ANKRD18A: variants seen among roughly 807,000 people sequenced by gnomAD.
ANKRD18A encodes ankyrin repeat domain-containing protein 18A.
A neutral mutation model predicts 110.6 loss-of-function variants in ANKRD18A; 72 were observed. The observed-to-expected ratio is 0.65, with a 90% confidence interval of 0.54 to 0.79. ANKRD18A has a LOEUF of 0.79. ANKRD18A is among the 30% of genes least tolerant of loss of function. The pLI, the probability that ANKRD18A is intolerant of heterozygous loss-of-function variation, is 0.00. For missense variants in ANKRD18A, 934 were observed against 1,163.3 expected, an observed-to-expected ratio of 0.80 and a Z score of 2.87; for synonymous variants, 305 against 410.3, an observed-to-expected ratio of 0.74 and a Z score of 3.10.
intron 1 of ANKRD18A, among the ~76,000 whole-genome samples, chr9:38,616,627 A>AT (rs998358592): frequency 5.3e-5 from 8 of 151,674 alleles, no homozygotes; most frequent in South Asian, 4.2e-4. Context: ...TAATTTTTAA[A>AT]TTTTTTTTTG....
Position 38,595,951 on chromosome 9 carries a change from A to G in ANKRD18A, c.1389T>C (p.Ser463=). The G allele has an allele frequency of 1.3e-6, 2 of 1,550,518 alleles. No homozygotes were observed. The highest frequency in any genetic ancestry group is 2.4e-5 in the South Asian group (2 of 83,782). Residue 463 remains serine, a synonymous_variant, in exon 9 of 16, where the codon TCT becomes TCC. Coordinates refer to ENST00000399703, the MANE Select transcript of ANKRD18A (RefSeq NM_147195.4). ...SRHEKMGSNI[S]QLTDKNELLT... is the part of the protein sequence containing the mutation. ...GCAACTCATTCTTATCTGTTAGTTG[A>G]GAAATATTAGAACCCATTTTTTCAT...
Position 38,601,110 on chromosome 9 carries a change from G to A in ANKRD18A, c.936+21C>T, listed in dbSNP as rs546452333. On this transcript the variant is annotated intron_variant, in intron 8 of 15. Coordinates refer to ENST00000399703, the MANE Select transcript of ANKRD18A (RefSeq NM_147195.4). ...AAACAAACAAACCAGTATTAAACCA[G>A]AAATTTAAATTGTTACATACCTGTG... 7.9e-4 allele frequency: 1,220 copies of A among 1,545,908 alleles called. 2 individuals are homozygous for A. In the Middle Eastern group the frequency reaches 0.017, roughly 22 times the overall value.
In ANKRD18A at chr9:38,610,357, A is replaced by C. The variant is rs1300635058; in HGVS notation, c.656T>G (p.Leu219Arg). ...AGAGATACGTATATTTTGTTGAAGCAGGAGGGTGACGATACTTGACAAGTT... is the reference window on the plus strand; with the variant it reads ...AGAGATACGTATATTTTGTTGAAGCCGGAGGGTGACGATACTTGACAAGTT... ...QHNLSSIVTL[L>R]LQQNIRISSQ... Residue 219 changes from leucine (L) to arginine (R), a missense_variant, in exon 5 of 16, where the codon CTG (leucine) becomes CGG (arginine). Leu to Arg is a moderately radical substitution (Grantham distance 102). This residue lies in a region of ANKRD18A where 630 missense variants were observed against 797.5 expected (regional missense o/e 0.79). Coordinates refer to ENST00000399703, the MANE Select transcript of ANKRD18A (RefSeq NM_147195.4). 1 of 1,551,250 alleles carries C rather than the reference A, an allele frequency of 6.4e-7. No individual in the cohort carries two copies. The highest frequency in any genetic ancestry group is 1.2e-5 in the South Asian group (1 of 83,896).
At chr9:38,577,702 T>A (rs1253450068) in intron 13 of ANKRD18A, among the ~76,000 whole-genome samples, 165 bp downstream of exon 13, 2 of 152,080 alleles carry the variant, frequency 1.3e-5, no homozygotes, top group Admixed American at 6.5e-5. Context: ...TAATGGAAAT[T>A]TAAATATTTA....
chr9:38,571,205 C>T (rs528303392), downstream of ANKRD18A: 2 of 1,507,686 alleles, frequency 1.3e-6, no homozygotes, highest in East Asian at 2.5e-5. Context: ...CTTGGTGCTG[C>T]CGCAGAGAAA....
rs2118636279 is a variant in ANKRD18A at position 38,575,461 on chromosome 9, G to A, written c.2964+15C>T. 1 of 1,536,258 alleles carries A rather than the reference G, an allele frequency of 6.5e-7. No homozygotes were observed. Among genetic ancestry groups the A allele is most frequent in the East Asian group, 2.5e-5 (1 of 40,756 alleles). ...GAGAAATGAAACCCAAAAGAGAAAT[G>A]GTCATATAACTAACCTCAGTCAAGA... On this transcript the variant is annotated intron_variant, in intron 15 of 15. Coordinates refer to ENST00000399703, the MANE Select transcript of ANKRD18A (RefSeq NM_147195.4).
At chr9:38,583,492 C>A (rs1824249076) in intron 12 of ANKRD18A, among the ~76,000 whole-genome samples, 1 of 152,128 alleles carries the variant, frequency 6.6e-6, no homozygotes, top group African/African-American at 2.4e-5. Context: ...CGGGTTCAAG[C>A]AATTCTCCTG....
At chr9:38,566,948 C>T (rs1823497811), downstream of ANKRD18A, 1 of 152,150 alleles carries the variant, frequency 6.6e-6, no homozygotes, top group Non-Finnish European at 1.5e-5. Context: ...CCACCTTCAA[C>T]GTTAGGAAAT....
intron 10 of ANKRD18A, among the ~76,000 whole-genome samples, chr9:38,592,916 A>G (rs1824717849): frequency 6.6e-6 from 1 of 152,192 alleles, no homozygotes; most frequent in Admixed American, 6.5e-5. Context: ...GTTGCCTACA[A>G]CTGGGGTAGG....
intron 15 of ANKRD18A, chr9:38,572,324 A>T (rs1823682942): frequency 3.4e-6 from 1 of 294,916 alleles, no homozygotes; most frequent in Non-Finnish European, 6.4e-6. Context: ...GAATTACAAG[A>T]TGAAGATGGC....
At chr9:38,575,932 G>A (rs3124033) in intron 14 of ANKRD18A, among the ~76,000 whole-genome samples, 8 of 152,248 alleles carry the variant, frequency 5.3e-5, no homozygotes, top group East Asian at 1.9e-4. Flanking sequence ...AGTTCAAAGT[G>A]GACAGGGAAG....
intron 7 of ANKRD18A, among the ~76,000 whole-genome samples, chr9:38,601,824 C>T (rs1431541862): frequency 6.6e-6 from 1 of 151,844 alleles, no homozygotes; most frequent in Non-Finnish European, 1.5e-5. Flanking sequence ...AACCCTGACT[C>T]TATAGAAAAT....
chr9:38,616,243 C>T (rs1044341831), intron 1 of ANKRD18A, among the ~76,000 whole-genome samples, 199 bp from the exon 2 acceptor site: 5 of 152,198 alleles, frequency 3.3e-5, no homozygotes, highest in Non-Finnish European at 7.4e-5. Flanking sequence ...ATAGAATGAG[C>T]TTGGTGTTTG....
In ANKRD18A at chr9:38,595,679, A is replaced by C; in HGVS notation, c.1661T>G (p.Leu554Arg). 6.4e-7 allele frequency: 1 copy of C among 1,551,254 alleles called. No homozygotes were observed. Among genetic ancestry groups the C allele is most frequent in the Non-Finnish European group, 8.7e-7 (1 of 1,146,696 alleles). The change falls in exon 9 of 16, where the codon CTC becomes CGC. Residue 554 changes from leucine (L) to arginine (R), a missense_variant. Leu to Arg is a moderately radical substitution (Grantham distance 102, BLOSUM62 -2). Transcript: ENST00000399703. ...ERIRQQELEN[L>R]LLERQLEDAR... Reference sequence around the variant, plus strand: ...ATCCTCTAGTTGTCGTTCAAGCAAGAGATTTTCAAGTTCTTGTTGACGTAT... The same window carrying C: ...ATCCTCTAGTTGTCGTTCAAGCAAGCGATTTTCAAGTTCTTGTTGACGTAT...
At position 38,601,214 on chromosome 9, in the gene ANKRD18A, C is replaced by T; in HGVS notation, c.863-10G>A. On this transcript the variant is annotated splice_polypyrimidine_tract_variant and intron_variant, in intron 7 of 15. Coordinates refer to ENST00000399703, the MANE Select transcript of ANKRD18A (RefSeq NM_147195.4). ...TTTAGGTTGTGTTCTGCTGACAAAT[C>T]CATATGTTTAGTTAAAATGAATGAT... is the stretch of plus-strand genomic sequence containing the variant. 6.4e-7 allele frequency: 1 copy of T among 1,550,504 alleles called. No homozygotes were observed. The highest frequency in any genetic ancestry group is 2.0e-5 in the Admixed American group (1 of 51,010).
At chr9:38,594,716 A>G (rs1244383834) in intron 9 of ANKRD18A, among the ~76,000 whole-genome samples, 1 of 152,182 alleles carries the variant, frequency 6.6e-6, no homozygotes, top group African/African-American at 2.4e-5. Context: ...TACATATAAG[A>G]GAGAGCCACT....
intron 5 of ANKRD18A, among the ~76,000 whole-genome samples, chr9:38,608,798 A>G (rs1401935084): frequency 2.7e-5 from 4 of 150,942 alleles, no homozygotes; most frequent in African/African-American, 9.7e-5. Flanking sequence ...ATGGAAACAC[A>G]TTACTTGAGG....
chr9:38,571,283 A>G, downstream of ANKRD18A: 1 of 1,368,668 alleles, frequency 7.3e-7, no homozygotes, highest in South Asian at 1.7e-5. Context: ...GGGACAATTC[A>G]AAAAGACATA....
chr9:38,609,831 A>G (rs1825526281), intron 5 of ANKRD18A, among the ~76,000 whole-genome samples: 1 of 151,970 alleles, frequency 6.6e-6, no homozygotes, highest in Non-Finnish European at 1.5e-5. Flanking sequence ...TCAAGACCCA[A>G]TAACTAATTA....
Sources: allele counts gnomAD v4.1 joint callset (sites outside exome capture counted in the v4.1 genomes callset), GRCh38; gene constraint gnomAD v4.1.1; regional missense constraint gnomAD v4.1.1; transcripts MANE v1.5; gene names NCBI Gene and HGNC (gene_info 2026-07-23, HGNC 2026-07-21).